Variants in ATP6V1B2 observed in about 807,000 individuals in gnomAD.
ATP6V1B2 encodes ATPase H+ transporting V1 subunit B2.
ATP6V1B2 carries 23 observed loss-of-function variants against 66.7 expected under a neutral mutation model. The ratio of observed to expected loss-of-function variants is 0.34; its 90% CI spans 0.25 to 0.49. The LOEUF (loss-of-function observed/expected upper bound fraction) is 0.49. ATP6V1B2 is among the 20% of genes least tolerant of loss of function. ATP6V1B2 has a pLI of 0.99. For synonymous variants in ATP6V1B2, 278 were observed against 236.7 expected (o/e 1.17, Z -1.60); for missense variants, 478 against 650.8 (o/e 0.73, Z 2.89).
At position 20,216,430 on chromosome 8, in the gene ATP6V1B2, C is replaced by G; in HGVS notation, c.1096C>G (p.Pro366Ala). The change falls in exon 11 of 14, where the codon CCA (proline) becomes GCA (alanine). Residue 366 changes from proline (P) to alanine (A), a missense_variant. Coordinates refer to ENST00000276390, the MANE Select transcript of ATP6V1B2 (RefSeq NM_001693.4). ...TCTGGTAGATATCACTCACCCCATC[C>G]CAGACTTGACTGGCTACATTACAGA... is the stretch of plus-strand genomic sequence containing the variant. ...MPNDDITHPI[P>A]DLTGYITEGQ... 1.2e-6 allele frequency: 2 copies of G among 1,613,096 alleles called. No homozygotes were observed. The highest frequency in any genetic ancestry group is 1.7e-6 in the Non-Finnish European group (2 of 1,179,308).
intron 1 of ATP6V1B2, chr8:20,204,172 A>G (rs938635574): frequency 3.6e-5 from 14 of 384,662 alleles, no homozygotes; most frequent in African/African-American, 2.9e-4. Context: ...TTCTAACTCC[A>G]CCCCCTCGCA....
chr8:20,218,377 T>C (rs1269745572), intron 13 of ATP6V1B2, 95 bp downstream of exon 13: 1 of 1,487,112 alleles, frequency 6.7e-7, no homozygotes, highest in Non-Finnish European at 9.0e-7. Context: ...GGTTTCTATA[T>C]AGTTATTTCT....
Position 20,210,377 on chromosome 8 carries a change from A to G in ATP6V1B2, c.323A>G (p.Lys108Arg). ...GAAGGGACTTCAGGTATAGATGCTA[A>G]GAAAACGTCCTGTGAGTTTACTGGG... is the stretch of plus-strand genomic sequence containing the variant. ...VFEGTSGIDA[K>R]KTSCEFTGDI... The change falls in exon 4 of 14, where the codon AAG becomes AGG. Residue 108 changes from lysine to arginine, a missense_variant. Transcript: ENST00000276390. 6.2e-7 allele frequency: 1 copy of G among 1,613,576 alleles called. No homozygotes were observed. Among genetic ancestry groups the G allele is most frequent in the Non-Finnish European group, 8.5e-7 (1 of 1,179,674 alleles).
chr8:20,219,787 A>G (rs1255205032), intron 13 of ATP6V1B2, among the ~76,000 whole-genome samples: 2 of 152,168 alleles, frequency 1.3e-5, no homozygotes, highest in Non-Finnish European at 2.9e-5. Context: ...TTGGGAAACC[A>G]CTGACCTTCA....
At chr8:20,212,236 T>C in intron 8 of ATP6V1B2, 37 bp downstream of exon 8, 2 of 1,590,792 alleles carry the variant, frequency 1.3e-6, no homozygotes, top group African/African-American at 1.3e-5. Flanking sequence ...TGGCCCAGAC[T>C]CGGGATCAAA....
chr8:20,197,683 C>T (rs2072642949), intron 1 of ATP6V1B2, 141 bp downstream of exon 1: 1 of 1,127,654 alleles, frequency 8.9e-7, no homozygotes, highest in Non-Finnish European at 1.1e-6. Flanking sequence ...ACCCACTTGT[C>T]TCTTTAGAAG....
At chr8:20,211,076 T>C in intron 5 of ATP6V1B2, 101 bp from the exon 6 acceptor site, 1 of 1,460,010 alleles carries the variant, frequency 6.8e-7, no homozygotes, top group Non-Finnish European at 9.3e-7. Flanking sequence ...AGTTCTGGTC[T>C]TCTGGTGCTT....
chr8:20,212,119 C>G lies in ATP6V1B2; in HGVS notation c.723C>G (p.Ala241=). Residue 241 remains alanine (A), a synonymous_variant, in exon 8 of 14, where the codon GCC becomes GCG. Coordinates refer to ENST00000276390, the MANE Select transcript of ATP6V1B2 (RefSeq NM_001693.4). ...TTATTTAGGTAAACATGGAAACTGC[C>G]CGGTTCTTCAAATCTGACTTTGAAG... The part of the protein sequence containing the change: ...FAAMGVNMET[A]RFFKSDFEEN... 1 of 1,613,468 alleles carries G rather than the reference C, an allele frequency of 6.2e-7. No individual in the cohort carries two copies. The highest frequency in any genetic ancestry group is 8.5e-7 in the Non-Finnish European group (1 of 1,179,724).
chr8:20,200,572 A>G (rs997889893), intron 1 of ATP6V1B2, among the ~76,000 whole-genome samples: 14 of 152,208 alleles, frequency 9.2e-5, no homozygotes, highest in African/African-American at 3.4e-4. Flanking sequence ...GAAATTAGGA[A>G]ATTATCTTGA....
chr8:20,220,603 C>A lies in ATP6V1B2; in HGVS notation c.*201C>A. On this transcript the variant is annotated 3_prime_UTR_variant, in exon 14 of 14. Coordinates refer to ENST00000276390, the MANE Select transcript of ATP6V1B2 (RefSeq NM_001693.4). The stretch of plus-strand genomic sequence containing the variant: ...CCTTAAAATATCCCCCTACCTGGGT[C>A]CTCAGTGCTATGTTTAAAGTGCTGC... 1 of 689,618 alleles carries A rather than the reference C, an allele frequency of 1.5e-6. No homozygotes were observed. Among genetic ancestry groups the A allele is most frequent in the Non-Finnish European group, 2.2e-6 (1 of 460,482 alleles). 42.7% of individuals were successfully genotyped at this position (689,618 alleles called of 1,614,324 possible).
At chr8:20,212,967 T>C in intron 9 of ATP6V1B2, 62 bp downstream of exon 9, 1 of 1,596,340 alleles carries the variant, frequency 6.3e-7, no homozygotes, top group Non-Finnish European at 8.6e-7. Context: ...GGTTAACTTG[T>C]CACTTTGCAA....
At chr8:20,211,036 T>C in intron 5 of ATP6V1B2, 141 bp from the exon 6 acceptor site, 1 of 1,070,668 alleles carries the variant, frequency 9.3e-7, no homozygotes, top group Non-Finnish European at 1.3e-6. Flanking sequence ...AAATAACTGA[T>C]TTTTTTTGTA....
At chr8:20,204,611 T>G (rs2072719500) in intron 2 of ATP6V1B2, 72 bp downstream of exon 2, 1 of 1,335,750 alleles carries the variant, frequency 7.5e-7, no homozygotes, top group Non-Finnish European at 1.1e-6. Flanking sequence ...TAGTATACTT[T>G]AAATTTTTGT....
chr8:20,211,245 G>A lies in ATP6V1B2; in HGVS notation c.532G>A (p.Asp178Asn), dbSNP rs759373893. The A allele has an allele frequency of 6.2e-7, 1 of 1,613,374 alleles. No individual in the cohort carries two copies. Among genetic ancestry groups the A allele is most frequent in the Non-Finnish European group, 8.5e-7 (1 of 1,179,792 alleles). The change falls in exon 6 of 14, where the codon GAT becomes AAT. Residue 178 changes from aspartate (D) to asparagine (N), a missense_variant. Physicochemically the swap from Asp to Asn is conservative, Grantham distance 23. Coordinates refer to ENST00000276390, the MANE Select transcript of ATP6V1B2 (RefSeq NM_001693.4). ...GATTCAGACTGGCATTTCGGCCATC[G>A]ATGGGATGAACAGTATTGCTAGGGG... ...EMIQTGISAI[D>N]GMNSIARGQK...
Position 20,197,631 on chromosome 8 carries a change from G to T in ATP6V1B2, c.136+89G>T, listed in dbSNP as rs147552890. On this transcript the variant is annotated intron_variant, in intron 1 of 13. Transcript: ENST00000276390. ...CACCTGCTTAGCCAGCGGGTAGGGGGTAGGATTTGTTTTTCCCTCCCGCGT... is the reference window on the plus strand; with the variant it reads ...CACCTGCTTAGCCAGCGGGTAGGGGTTAGGATTTGTTTTTCCCTCCCGCGT... The T allele has an allele frequency of 1.2e-3, 1,540 of 1,275,550 alleles. 4 individuals carry two copies. The highest frequency in any genetic ancestry group is 5.0e-3 in the Admixed American group (125 of 25,128). The allele number at this position is 1,275,550 out of a possible 1,614,324, so 79.0% of individuals were successfully genotyped here. A position where few individuals can be genotyped will look rare whatever the true frequency, so the allele number is the denominator to read the frequency against.
At chr8:20,208,135 A>G (rs1331979190) in intron 2 of ATP6V1B2, among the ~76,000 whole-genome samples, 1 of 152,180 alleles carries the variant, frequency 6.6e-6, no homozygotes, top group African/African-American at 2.4e-5. Flanking sequence ...TGCAGAGTTA[A>G]TTTGGCAGAA....
intron 1 of ATP6V1B2, among the ~76,000 whole-genome samples, chr8:20,201,143 T>C (rs1472976768): frequency 1.3e-5 from 2 of 152,184 alleles, no homozygotes; most frequent in African/African-American, 4.8e-5. Context: ...GCCAAGACAT[T>C]TTGGTTGTAA....
At position 20,197,523 on chromosome 8, in the gene ATP6V1B2, C is replaced by T; in HGVS notation, c.117C>T (p.Tyr39=). ...AGGCGCTGGCAGTCAGTCGGAACTA[C>T]CTCTCCCAGCCTCGCCTCAGTGAGT... is the stretch of plus-strand genomic sequence containing the variant. ...REQALAVSRN[Y]LSQPRLTYKT... The change falls in exon 1 of 14, where the codon TAC becomes TAT. Residue 39 remains tyrosine, a synonymous_variant. Transcript: ENST00000276390. 6.9e-7 allele frequency: 1 copy of T among 1,448,510 alleles called. No homozygotes were observed. The highest frequency in any genetic ancestry group is 9.1e-7 in the Non-Finnish European group (1 of 1,095,028). 89.7% of individuals were successfully genotyped at this position (1,448,510 alleles called of 1,614,324 possible).
At chr8:20,215,171 T>TTAAG in intron 10 of ATP6V1B2, 1 of 565,138 alleles carries the variant, frequency 1.8e-6, no homozygotes, top group Non-Finnish European at 2.8e-6. Context: ...TCTTCATAAT[T>TTAAG]TAAGTTTTTA....
Sources: gnomAD v4.1 joint callset for allele counts (sites outside exome capture counted in the v4.1 genomes callset) on GRCh38, gnomAD v4.1.1 for gene constraint, MANE v1.5 for transcripts, NCBI Gene and HGNC (gene_info 2026-07-23, HGNC 2026-07-21) for gene names.